EFCAB3: variants seen among roughly 807,000 people sequenced by gnomAD.
The protein encoded by EFCAB3 is EF-hand calcium binding domain 3.
In EFCAB3, 36 loss-of-function variants were observed where a neutral mutation model predicts 42.2. The observed-to-expected ratio is 0.85, with a 90% CI of 0.65 to 1.13. The LOEUF (loss-of-function observed/expected upper bound fraction) is 1.13. Among genes scored for constraint, EFCAB3 ranks in the 50% most tolerant of loss-of-function variants. The pLI is 0.00. For missense variants in EFCAB3, 418 were observed against 505.1 expected, an observed-to-expected ratio of 0.83 and a Z score of 1.65; for synonymous variants, 170 against 172.8, an observed-to-expected ratio of 0.98 and a Z score of 0.13.
intron 5 of EFCAB3, among the ~76,000 whole-genome samples, chr17:62,394,610 C>G (rs1158680398): frequency 6.6e-6 from 1 of 152,122 alleles, no homozygotes; most frequent in Non-Finnish European, 1.5e-5. Flanking sequence ...AACAGGCTGC[C>G]TTGGAAAAGC....
intron 2 of EFCAB3, among the ~76,000 whole-genome samples, chr17:62,385,350 G>C (rs751311307): frequency 4.6e-5 from 7 of 152,148 alleles, no homozygotes; most frequent in Non-Finnish European, 8.8e-5. Flanking sequence ...AACTGAGGTG[G>C]AAGGATCCTT....
At position 62,387,410 on chromosome 17, in the gene EFCAB3, A is replaced by G. The variant is rs1312792696; in HGVS notation, c.145A>G (p.Met49Val). The G allele has an allele frequency of 7.5e-6, 12 of 1,610,568 alleles. No individual in the cohort carries two copies. Among genetic ancestry groups the G allele is most frequent in the Non-Finnish European group, 9.3e-6 (11 of 1,177,950 alleles). The change falls in exon 3 of 10, where the codon ATG becomes GTG. Residue 49 changes from methionine (M) to valine (V), a missense_variant. Physicochemically the swap from Met to Val is conservative, Grantham distance 21. Transcript: ENST00000305286. ...HKEKKLSASQ[M>V]AAFQDAYNFF... is the part of the protein sequence containing the mutation. ...AGAAAAGAAGCTAAGTGCTTCACAAATGGCAGGTAATGAGAATCATCCTCA... is the reference window on the plus strand; with the variant it reads ...AGAAAAGAAGCTAAGTGCTTCACAAGTGGCAGGTAATGAGAATCATCCTCA...
rs1260043473 is a variant in EFCAB3, at chr17:62,392,073, C to T, written c.295+108C>T. 8 of 965,038 alleles carry T rather than the reference C, an allele frequency of 8.3e-6. No individual in the cohort carries two copies. In the East Asian group the frequency reaches 2.1e-4, roughly 26 times the overall value. The allele number at this position is 965,038 out of a possible 1,614,324, so 59.8% of individuals were successfully genotyped here. The stretch of plus-strand genomic sequence containing the variant: ...GAGAAACAAATCTTATTTACTTGCC[C>T]CCCCAAATATATATATATTTGTGTG... On this transcript the variant is annotated intron_variant, in intron 4 of 9. Transcript: ENST00000305286.
Position 62,387,326 on chromosome 17 carries a change from A to T in EFCAB3, c.75-14A>T, listed in dbSNP as rs146747941. 5 of 1,596,062 alleles carry T rather than the reference A, an allele frequency of 3.1e-6. No individual in the cohort carries two copies. Among genetic ancestry groups the T allele is most frequent in the Non-Finnish European group, 3.4e-6 (4 of 1,167,690 alleles). ...ATAGGTAGTAAATCTAAATATTTTC[A>T]CATCTTTCCTCAGGGATAGAGACTT... On this transcript the variant is annotated splice_polypyrimidine_tract_variant and intron_variant, in intron 2 of 9. Transcript: ENST00000305286.
intron 3 of EFCAB3, among the ~76,000 whole-genome samples, chr17:62,388,217 A>C (rs918037394): frequency 3.9e-5 from 6 of 152,202 alleles, no homozygotes; most frequent in Non-Finnish European, 8.8e-5. Flanking sequence ...TCTCGAAAAA[A>C]AAAAGCCATG....
chr17:62,375,372 G>C (rs146710091), intron 2 of EFCAB3, among the ~76,000 whole-genome samples: 17 of 152,202 alleles, frequency 1.1e-4, no homozygotes, highest in African/African-American at 3.6e-4. Flanking sequence ...TTTATCCCCA[G>C]CCTTTAAAAT....
At chr17:62,395,436 A>G (rs2070341057) in intron 6 of EFCAB3, among the ~76,000 whole-genome samples, 2 of 152,308 alleles carry the variant, frequency 1.3e-5, no homozygotes, top group South Asian at 4.1e-4. Context: ...AGGACCTAAG[A>G]CAACCATGAA....
At chr17:62,395,015 A>G (rs1206895490) in intron 5 of EFCAB3, 53 bp from the exon 6 acceptor site, 3 of 1,598,636 alleles carry the variant, frequency 1.9e-6, no homozygotes, top group Admixed American at 1.8e-5. Flanking sequence ...GAGGTGGTCA[A>G]TTTCTTATTT....
chr17:62,379,572 A>G (rs1195824556), upstream of EFCAB3, among the ~76,000 whole-genome samples: 1 of 152,174 alleles, frequency 6.6e-6, no homozygotes, highest in African/African-American at 2.4e-5. Flanking sequence ...TAAAAAGATT[A>G]GGTTAAAGTC....
chr17:62,399,949 T>C (rs1043582222), intron 6 of EFCAB3, among the ~76,000 whole-genome samples: 12 of 152,298 alleles, frequency 7.9e-5, no homozygotes, highest in Admixed American at 2.6e-4. Context: ...GTATCTATTA[T>C]AGGAAAATGC....
At chr17:62,405,116 A>G (rs1268409988) in intron 6 of EFCAB3, among the ~76,000 whole-genome samples, 6 of 152,276 alleles carry the variant, frequency 3.9e-5, no homozygotes, top group Non-Finnish European at 8.8e-5. Context: ...TGAAGACCAC[A>G]TTCAGAGCCA....
At chr17:62,372,905 A>T (rs2070124007) in intron 1 of EFCAB3, among the ~76,000 whole-genome samples, 1 of 152,184 alleles carries the variant, frequency 6.6e-6, no homozygotes, top group Admixed American at 6.5e-5. Flanking sequence ...CAGTTCCCTC[A>T]AAATACCTTG....
chr17:62,412,145 G>A (rs1398799509), intron 8 of EFCAB3, among the ~76,000 whole-genome samples: 1 of 151,766 alleles, frequency 6.6e-6, no homozygotes, highest in East Asian at 2.0e-4. Context: ...GGAGGCCAAG[G>A]CAGGCGGATC....
At chr17:62,377,355 A>C (rs1384246947), upstream of EFCAB3, among the ~76,000 whole-genome samples, 9 of 152,166 alleles carry the variant, frequency 5.9e-5, no homozygotes, top group Non-Finnish European at 1.0e-4. Context: ...AAACATAGGA[A>C]ACTGAGTTAT....
chr17:62,387,696 A>T (rs974412769), intron 3 of EFCAB3, among the ~76,000 whole-genome samples: 2 of 152,244 alleles, frequency 1.3e-5, no homozygotes, highest in Admixed American at 1.3e-4. Flanking sequence ...ACAAAAGAAC[A>T]AATATAAATC....
chr17:62,372,809 C>T (rs961769382), intron 1 of EFCAB3, among the ~76,000 whole-genome samples: 9 of 152,102 alleles, frequency 5.9e-5, no homozygotes, highest in African/African-American at 2.2e-4. Context: ...CAAACAAAAC[C>T]CACGGCAACA....
chr17:62,373,037 T>C (rs1257601298), intron 1 of EFCAB3, among the ~76,000 whole-genome samples: 1 of 151,990 alleles, frequency 6.6e-6, no homozygotes, highest in South Asian at 2.1e-4. Flanking sequence ...TCCCAGAACT[T>C]TGGGAGGCTG....
chr17:62,373,215 G>A (rs1226964878), intron 1 of EFCAB3, among the ~76,000 whole-genome samples: 2 of 151,420 alleles, frequency 1.3e-5, no homozygotes, highest in Non-Finnish European at 2.9e-5. Context: ...AGGAGGCAGA[G>A]GTTGCACTGA....
intron 6 of EFCAB3, among the ~76,000 whole-genome samples, chr17:62,396,143 T>G (rs751476308): frequency 6.6e-6 from 1 of 152,162 alleles, no homozygotes; most frequent in Non-Finnish European, 1.5e-5. Context: ...AGGACAATTG[T>G]GGGGCTGATA....
Sources: gnomAD v4.1 joint callset for allele counts (sites outside exome capture counted in the v4.1 genomes callset) on GRCh38, gnomAD v4.1.1 for gene constraint, MANE v1.5 for transcripts, NCBI Gene and HGNC (gene_info 2026-07-23, HGNC 2026-07-21) for gene names.